Variants in CCDC148 observed in about 807,000 individuals in gnomAD.
CCDC148 encodes the protein coiled-coil domain-containing protein 148.
A neutral mutation model predicts 85.7 loss-of-function variants in CCDC148; 89 were observed. The observed-to-expected ratio is 1.04, with a 90% CI of 0.87 to 1.24. The LOEUF (loss-of-function observed/expected upper bound fraction) is 1.24, where lower values mean the gene tolerates loss of function less well. Ranked by LOEUF, CCDC148 falls within the 50% of genes most tolerant of loss-of-function variation. The probability of loss-of-function intolerance (pLI) is 0.00; values close to 1 mark genes in which losing one functional copy is unlikely to be tolerated. For synonymous variants in CCDC148, 230 were observed against 213.9 expected, an observed-to-expected ratio of 1.08 and a Z score of -0.66; for missense variants, 692 against 671.7, an observed-to-expected ratio of 1.03 and a Z score of -0.33.
Position 158,391,111 on chromosome 2 carries a change from G to A in CCDC148, c.26-32541C>T, listed in dbSNP as rs541783195. ...TCTAGACACTCTACTATGCATGGAGGCTACAACAGTGAGTGAAAGGATATG... is the reference window on the plus strand; with the variant it reads ...TCTAGACACTCTACTATGCATGGAGACTACAACAGTGAGTGAAAGGATATG... On this transcript the variant is annotated intron_variant, in intron 1 of 13. Coordinates refer to ENST00000283233, the MANE Select transcript of CCDC148 (RefSeq NM_138803.4). 2.0e-5 allele frequency among the ~76,000 whole-genome samples: 3 copies of A among 152,222 alleles called. No homozygotes were observed. The East Asian group carries it at 5.8e-4, about 29-fold the overall frequency.
intron 1 of CCDC148, among the ~76,000 whole-genome samples, chr2:158,394,948 T>A (rs1448114553): frequency 6.6e-6 from 1 of 152,112 alleles, no homozygotes; most frequent in Admixed American, 6.6e-5. Flanking sequence ...TCCTATCCCT[T>A]AGAGAGAGCT....
intron 1 of CCDC148, among the ~76,000 whole-genome samples, chr2:158,396,011 GGA>G (rs1685506727): frequency 6.6e-6 from 1 of 152,050 alleles, no homozygotes; most frequent in Non-Finnish European, 1.5e-5. Context: ...GAATGGCTAA[GGA>G]CAGTCCAACT....
At chr2:158,211,812 AGCTT>A (rs1686592852) in intron 11 of CCDC148, among the ~76,000 whole-genome samples, 1 of 152,202 alleles carries the variant, frequency 6.6e-6, no homozygotes, top group African/African-American at 2.4e-5. Context: ...CACAGGCATA[AGCTT>A]GCTTGTTCAT....
chr2:158,443,096 G>A (rs1187399318), intron 1 of CCDC148, among the ~76,000 whole-genome samples: 3 of 152,036 alleles, frequency 2.0e-5, no homozygotes, highest in Non-Finnish European at 4.4e-5. Flanking sequence ...TAAGGTAGGG[G>A]TAAGGTCCTA....
At chr2:158,329,397 A>G (rs183997034) in intron 7 of CCDC148, among the ~76,000 whole-genome samples, 148 of 152,302 alleles carry the variant, frequency 9.7e-4, no homozygotes, top group Non-Finnish European at 1.8e-3. Flanking sequence ...TACCAGTACC[A>G]TGCTGTTTTG....
At chr2:158,278,489 G>A (rs998467217) in intron 9 of CCDC148, among the ~76,000 whole-genome samples, 3 of 152,166 alleles carry the variant, frequency 2.0e-5, no homozygotes, top group Non-Finnish European at 2.9e-5. Context: ...GCACCTGGCT[G>A]GGAGGGTCCT....
intron 9 of CCDC148, among the ~76,000 whole-genome samples, chr2:158,299,298 T>A (rs1574576164): frequency 6.6e-6 from 1 of 152,216 alleles, no homozygotes; most frequent in East Asian, 1.9e-4. Context: ...TCTTTTAGCA[T>A]CTCATCCTGC....
intron 1 of CCDC148, among the ~76,000 whole-genome samples, chr2:158,438,304 C>T (rs1404162088): frequency 2.0e-5 from 3 of 151,914 alleles, no homozygotes; most frequent in South Asian, 4.2e-4. Flanking sequence ...AGAACAGAGC[C>T]CTCAGAAATA....
chr2:158,296,070 A>C (rs1691174045), intron 9 of CCDC148, among the ~76,000 whole-genome samples: 1 of 152,284 alleles, frequency 6.6e-6, no homozygotes, highest in East Asian at 1.9e-4. Context: ...TCTTTCAACA[A>C]TTTTGAAGAT....
chr2:158,401,720 A>G (rs935330944), intron 1 of CCDC148, among the ~76,000 whole-genome samples: 2 of 152,198 alleles, frequency 1.3e-5, no homozygotes, highest in Admixed American at 1.3e-4. Flanking sequence ...TTGAAGCTAG[A>G]AAATGTCAGA....
intron 9 of CCDC148, among the ~76,000 whole-genome samples, chr2:158,294,065 C>CTTCCTTCCTTCCTTCT: frequency 7.3e-6 from 1 of 136,486 alleles, no homozygotes; most frequent in African/African-American, 2.7e-5. Context: ...TCCTTCCTTC[C>CTTCCTTCCTTCCTTCT]GCCTTGGAAA....
chr2:158,284,887 C>A (rs555183317), intron 9 of CCDC148, among the ~76,000 whole-genome samples: 1 of 152,266 alleles, frequency 6.6e-6, no homozygotes, highest in East Asian at 1.9e-4. Context: ...GAGATGAAAG[C>A]TGAGCTTAAA....
intron 2 of CCDC148, among the ~76,000 whole-genome samples, chr2:158,357,462 T>C (rs1425326299): frequency 6.6e-6 from 1 of 151,954 alleles, no homozygotes; most frequent in Non-Finnish European, 1.5e-5. Flanking sequence ...ATGAGAAAAA[T>C]AAAATATGTA....
At chr2:158,310,543 G>A (rs1691934132) in intron 8 of CCDC148, among the ~76,000 whole-genome samples, 1 of 151,524 alleles carries the variant, frequency 6.6e-6, no homozygotes, top group South Asian at 2.1e-4. Flanking sequence ...CCGCCAGGTA[G>A]AGGCGCCCCC....
intron 11 of CCDC148, among the ~76,000 whole-genome samples, chr2:158,183,805 G>C (rs1030887840): frequency 3.9e-5 from 6 of 152,100 alleles, no homozygotes; most frequent in Non-Finnish European, 7.4e-5. Flanking sequence ...CTACTATCAG[G>C]TGTTTCAGTG....
intron 9 of CCDC148, among the ~76,000 whole-genome samples, chr2:158,278,263 A>T (rs1410907180): frequency 6.6e-6 from 1 of 152,126 alleles, no homozygotes. Flanking sequence ...AGGGAGTGCC[A>T]GACAGTGGGT....
At chr2:158,404,780 T>G (rs1029166242) in intron 1 of CCDC148, among the ~76,000 whole-genome samples, 3 of 152,260 alleles carry the variant, frequency 2.0e-5, no homozygotes, top group Admixed American at 2.0e-4. Context: ...TTCCAGTCAC[T>G]AGGGAGGACC....
chr2:158,370,666 T>C (rs1684399512), intron 1 of CCDC148, among the ~76,000 whole-genome samples: 1 of 151,242 alleles, frequency 6.6e-6, no homozygotes. Flanking sequence ...GTAAGATAAA[T>C]TTATTGTCCT....
At chr2:158,270,181 C>A (rs896447940) in intron 9 of CCDC148, among the ~76,000 whole-genome samples, 2 of 152,142 alleles carry the variant, frequency 1.3e-5, no homozygotes, top group Non-Finnish European at 2.9e-5. Flanking sequence ...TAATGTCAAA[C>A]TTGCTAAACA....
Sources: allele counts gnomAD v4.1 joint callset (sites outside exome capture counted in the v4.1 genomes callset), GRCh38; gene constraint gnomAD v4.1.1; transcripts MANE v1.5; gene names NCBI Gene and HGNC (gene_info 2026-07-23, HGNC 2026-07-21).